NOS2: variants seen among roughly 807,000 people sequenced by gnomAD.
NOS2 encodes the protein nitric oxide synthase, inducible.
NOS2 carries 96 observed loss-of-function variants against 136.0 expected under a neutral mutation model. The observed-to-expected ratio is 0.71, with a 90% CI of 0.60 to 0.84. The LOEUF (loss-of-function observed/expected upper bound fraction) is 0.84, where lower values mean the gene tolerates loss of function less well. NOS2 is among the 40% of genes least tolerant of loss of function. The pLI is 0.00. For missense variants in NOS2, 1,237 were observed against 1,496.9 expected, an observed-to-expected ratio of 0.83 and a Z score of 2.87; for synonymous variants, 539 against 587.5, an observed-to-expected ratio of 0.92 and a Z score of 1.20.
At chr17:27,786,607 C>A (rs1909032790) in intron 5 of NOS2, among the ~76,000 whole-genome samples, 1 of 152,170 alleles carries the variant, frequency 6.6e-6, no homozygotes, top group African/African-American at 2.4e-5. Flanking sequence ...ATGGCTAATA[C>A]TTATGTCGTG....
chr17:27,757,532 G>A lies in NOS2; in HGVS notation c.3355-179C>T, dbSNP rs531009506. Among the ~76,000 whole-genome samples the A allele has an allele frequency of 1.4e-4, 22 of 152,230 alleles. No homozygotes were observed. The East Asian group carries it at 2.7e-3, about 19-fold the overall frequency. On this transcript the variant is annotated intron_variant, in intron 26 of 26. Coordinates refer to ENST00000313735, the MANE Select transcript of NOS2 (RefSeq NM_000625.4). ...CTGCTCAGCACCTGCTCTGGTGCGG[G>A]CCCTCTAACCATCTCCAAAGCTTTA...
At chr17:27,767,627 TG>T in intron 18 of NOS2, 77 bp downstream of exon 18, 1 of 1,527,572 alleles carries the variant, frequency 6.5e-7, no homozygotes. Flanking sequence ...CAGAAAGACC[TG>T]GGGGTCTCCT....
In NOS2 at chr17:27,789,618, C is replaced by A. The variant is rs201165915; in HGVS notation, c.181G>T (p.Val61Leu). Residue 61 changes from valine to leucine, a missense_variant, in exon 3 of 27, where the codon GTG (valine) becomes TTG (leucine). Val to Leu is a conservative substitution (Grantham distance 32). Transcript: ENST00000313735. ...KQQNESPQPLVETGKKSPESL... is the reference protein window; with the variant it reads ...KQQNESPQPLLETGKKSPESL... The stretch of plus-strand genomic sequence containing the variant: ...GACTCACTGACCTTTCCCGTCTCCA[C>A]GAGGGGCTGCGGGGACTCATTCTGC... 1.2e-6 allele frequency: 2 copies of A among 1,613,778 alleles called. No individual in the cohort carries two copies. Among genetic ancestry groups the A allele is most frequent in the Admixed American group, 3.3e-5 (2 of 60,012 alleles).
chr17:27,769,928 C>T (rs1248279338), intron 15 of NOS2, among the ~76,000 whole-genome samples: 1 of 152,176 alleles, frequency 6.6e-6, no homozygotes, highest in Non-Finnish European at 1.5e-5. Context: ...GTTTGGAACC[C>T]GGTAGAAGCA....
chr17:27,798,542 G>A (rs998398241), intron 2 of NOS2, among the ~76,000 whole-genome samples, 158 bp downstream of exon 2: 99 of 152,240 alleles, frequency 6.5e-4, no homozygotes, highest in Middle Eastern at 3.4e-3. Flanking sequence ...AATAATCAGC[G>A]GCTGCATTGA....
chr17:27,780,685 G>C (rs1908814304), intron 9 of NOS2, 82 bp downstream of exon 9: 1 of 1,584,350 alleles, frequency 6.3e-7, no homozygotes, highest in South Asian at 1.1e-5. Flanking sequence ...GGAAGGTATG[G>C]GGAAGGCTGG....
intron 26 of NOS2, among the ~76,000 whole-genome samples, chr17:27,758,251 G>C (rs186262752): frequency 5.7e-4 from 87 of 152,286 alleles, no homozygotes; most frequent in Middle Eastern, 3.4e-3. Context: ...TTTGGAACCA[G>C]AGAGAGGCAG....
At chr17:27,796,107 G>A (rs1909345891) in intron 2 of NOS2, among the ~76,000 whole-genome samples, 2 of 152,054 alleles carry the variant, frequency 1.3e-5, no homozygotes, top group Middle Eastern at 3.2e-3. Context: ...CTGGACAACA[G>A]AGCAAGATTC....
chr17:27,778,551 TG>T, intron 11 of NOS2, 138 bp downstream of exon 11: 1 of 691,164 alleles, frequency 1.4e-6, no homozygotes, highest in Non-Finnish European at 2.6e-6. Flanking sequence ...TGAACAGTCT[TG>T]GGAGGTGAGG....
At chr17:27,760,483 G>C in intron 24 of NOS2, 140 bp downstream of exon 24, 1 of 1,151,280 alleles carries the variant, frequency 8.7e-7, no homozygotes, top group Non-Finnish European at 1.2e-6. Context: ...ATTCTAACCC[G>C]CAGAGGCCCG....
chr17:27,771,040 T>C, intron 14 of NOS2, 23 bp from the exon 15 acceptor site: 1 of 1,586,572 alleles, frequency 6.3e-7, no homozygotes, highest in Non-Finnish European at 8.6e-7. Flanking sequence ...CAAGTGGACA[T>C]CAGCCCTCGG....
In NOS2 at chr17:27,757,267, G is replaced by T; in HGVS notation, c.3441C>A (p.Ser1147Arg). 6.2e-7 allele frequency: 1 copy of T among 1,613,986 alleles called. No homozygotes were observed. Among genetic ancestry groups the T allele is most frequent in the Non-Finnish European group, 8.5e-7 (1 of 1,179,952 alleles). Residue 1147 changes from serine to arginine, a missense_variant, in exon 27 of 27, where the codon AGC (serine) becomes AGA (arginine). This residue lies in a region of NOS2 where 782 missense variants were observed against 909.9 expected (regional missense o/e 0.86). Coordinates refer to ENST00000313735, the MANE Select transcript of NOS2 (RefSeq NM_000625.4). Reference protein sequence around the residue: ...KKDRVAVQPSSLEMSAL With the variant: ...KKDRVAVQPSRLEMSAL ...GCCCTCAGAGCGCTGACATCTCCAG[G>T]CTGCTGGGCTGCACCGCCACCCTGT...
At chr17:27,779,325 T>C (rs1474860215) in intron 9 of NOS2, among the ~76,000 whole-genome samples, 1 of 125,816 alleles carries the variant, frequency 7.9e-6, no homozygotes, top group Non-Finnish European at 1.7e-5. Flanking sequence ...ATTATTATTA[T>C]TATTTTATAG....
At chr17:27,769,498 G>T (rs746282448) in intron 16 of NOS2, 37 bp downstream of exon 16, 2 of 1,592,706 alleles carry the variant, frequency 1.3e-6, no homozygotes, top group Non-Finnish European at 1.7e-6. Context: ...GGGTCCACAG[G>T]GCAGGGCTAG....
At chr17:27,780,396 G>A (rs986583701) in intron 9 of NOS2, among the ~76,000 whole-genome samples, 8 of 152,214 alleles carry the variant, frequency 5.3e-5, no homozygotes, top group African/African-American at 1.9e-4. Flanking sequence ...AGCCCTATAT[G>A]ATCCCGACAG....
At chr17:27,760,545 T>G in intron 24 of NOS2, 78 bp downstream of exon 24, 1 of 1,538,676 alleles carries the variant, frequency 6.5e-7, no homozygotes, top group Non-Finnish European at 8.8e-7. Flanking sequence ...CAGGAACCGT[T>G]TGTGGGGCTG....
Position 27,781,105 on chromosome 17 carries a change from G to T in NOS2, c.795C>A (p.Ile265=). 3 of 1,613,590 alleles carry T rather than the reference G, an allele frequency of 1.9e-6. No individual in the cohort carries two copies. The highest frequency in any genetic ancestry group is 2.5e-6 in the Non-Finnish European group (3 of 1,180,034). ...CTGGCATCTGGTAGCCAGCATAGCG[G>T]ATGAGCTGAGCATTCCACACCCGGA... is the stretch of plus-strand genomic sequence containing the variant. ...HDFRVWNAQL[I]RYAGYQMPDG... is the part of the protein sequence containing the mutation. Residue 265 remains isoleucine, a synonymous_variant, in exon 8 of 27, where the codon ATC becomes ATA. Transcript: ENST00000313735.
Position 27,782,369 on chromosome 17 carries a change from C to T in NOS2, c.631-263G>A, listed in dbSNP as rs28942379. On this transcript the variant is annotated intron_variant, in intron 6 of 26. Coordinates refer to ENST00000313735, the MANE Select transcript of NOS2 (RefSeq NM_000625.4). ...GGCAACCCCACTCAGAAGACCCCAGCAAACCCAGAATTCCAAGAAAACCTG... is the reference window on the plus strand; with the variant it reads ...GGCAACCCCACTCAGAAGACCCCAGTAAACCCAGAATTCCAAGAAAACCTG... 6.9e-3 allele frequency among the ~76,000 whole-genome samples: 1,056 copies of T among 152,326 alleles called. 12 individuals are homozygous for T. The highest frequency in any genetic ancestry group is 0.024 in the African/African-American group (1,006 of 41,580).
At position 27,757,110 on chromosome 17, in the gene NOS2, A is replaced by G. The variant is rs1248856429; in HGVS notation, c.*136T>C. The G allele has an allele frequency of 4.6e-6, 3 of 647,768 alleles. No homozygotes were observed. Among genetic ancestry groups the G allele is most frequent in the Admixed American group, 3.2e-5 (1 of 31,702 alleles). 40.1% of individuals were successfully genotyped at this position (647,768 alleles called of 1,614,324 possible). ...TCAAGTAAAGGGCTTGATGGGGAGCAACGTTGAGGAAATAAGACTTGAGGC... is the reference window on the plus strand; with the variant it reads ...TCAAGTAAAGGGCTTGATGGGGAGCGACGTTGAGGAAATAAGACTTGAGGC... On this transcript the variant is annotated 3_prime_UTR_variant, in exon 27 of 27. Transcript: ENST00000313735.
Sources: gnomAD v4.1 joint callset for allele counts (sites outside exome capture counted in the v4.1 genomes callset) on GRCh38, gnomAD v4.1.1 for gene constraint, gnomAD v4.1.1 regional missense constraint, MANE v1.5 for transcripts, NCBI Gene and HGNC (gene_info 2026-07-23, HGNC 2026-07-21) for gene names.